ADAM15: variants seen among roughly 807,000 people sequenced by gnomAD.
The protein encoded by ADAM15 is ADAM metallopeptidase domain 15.
In ADAM15, 77 loss-of-function variants were observed where a neutral mutation model predicts 113.8. The ratio of observed to expected loss-of-function variants is 0.68; its 90% CI spans 0.56 to 0.82. ADAM15 has a LOEUF of 0.82. ADAM15 is among the 40% of genes least tolerant of loss of function. ADAM15 has a pLI of 0.00. For missense variants in ADAM15, 963 were observed against 1,120.1 expected (o/e 0.86, Z 2.00); for synonymous variants, 388 against 454.1 (o/e 0.85, Z 1.85).
Position 155,054,307 on chromosome 1 carries a change from T to G in ADAM15, c.420-7T>G, listed in dbSNP as rs921901354. ...CTGAAATGTTCTCTGACTTTCTTTTTTCTTAGAGGCTTGGTGGTCCTGACC... is the reference window on the plus strand; with the variant it reads ...CTGAAATGTTCTCTGACTTTCTTTTGTCTTAGAGGCTTGGTGGTCCTGACC... On this transcript the variant is annotated splice_polypyrimidine_tract_variant and splice_region_variant and intron_variant, in intron 5 of 22. Transcript: ENST00000356955. The G allele has an allele frequency of 3.2e-6, 5 of 1,581,722 alleles. No homozygotes were observed. The highest frequency in any genetic ancestry group is 4.3e-6 in the Non-Finnish European group (5 of 1,165,764).
In ADAM15 at chr1:155,058,676, G is replaced by C; in HGVS notation, c.1918-34G>C. ...TCCCAGTCCCATTAAAGCTTTGTGG[G>C]AATCTGATCCAGGCTCTTCTCTCCC... On this transcript the variant is annotated intron_variant, in intron 15 of 22. Coordinates refer to ENST00000356955, the MANE Select transcript of ADAM15 (RefSeq NM_207197.3). This position sits in a 1 kb window ranked among gnomAD's most constrained non-coding sequence, Gnocchi z 4.3. The C allele has an allele frequency of 6.2e-7, 1 of 1,603,372 alleles. No homozygotes were observed. Among genetic ancestry groups the C allele is most frequent in the Non-Finnish European group, 8.5e-7 (1 of 1,174,884 alleles).
intron 19 of ADAM15, 109 bp downstream of exon 19, chr1:155,060,941 C>A: frequency 9.2e-7 from 1 of 1,087,706 alleles, no homozygotes; most frequent in Non-Finnish European, 1.3e-6. Context: ...GCTAGCACTG[C>A]CCAAGAGTCA....
At position 155,061,488 on chromosome 1, in the gene ADAM15, A is replaced by C; in HGVS notation, c.2351A>C (p.Gln784Pro). Residue 784 changes from glutamine to proline, a missense_variant and splice_region_variant, in exon 20 of 23, where the codon CAG (glutamine) becomes CCG (proline). By Grantham distance (76) the Gln-to-Pro change is moderately conservative (BLOSUM62 -1). Coordinates refer to ENST00000356955, the MANE Select transcript of ADAM15 (RefSeq NM_207197.3). The part of the protein sequence containing the change: ...LPPDPVSKRL[Q>P]AELADRPNPP... The stretch of plus-strand genomic sequence containing the variant: ...CCTGACCCTGTGTCCAAGAGACTCC[A>C]GGTAAATCTGGGCCAGGGCCCGCCC... 6.2e-7 allele frequency: 1 copy of C among 1,613,366 alleles called. No homozygotes were observed. Among genetic ancestry groups the C allele is most frequent in the Non-Finnish European group, 8.5e-7 (1 of 1,179,818 alleles).
rs1352413011 is a variant in ADAM15 at position 155,054,051 on chromosome 1, G to A, written c.342+63G>A. On this transcript the variant is annotated intron_variant, in intron 4 of 22. Coordinates refer to ENST00000356955, the MANE Select transcript of ADAM15 (RefSeq NM_207197.3). ...GAAAGAGGGAGGGGGTGGCTGGAAG[G>A]TGAGAGGACACTGCATATTTTTACC... 6.8e-6 allele frequency: 11 copies of A among 1,612,472 alleles called. No homozygotes were observed. The African/African-American group carries it at 1.2e-4, about 18-fold the overall frequency.
At position 155,057,944 on chromosome 1, in the gene ADAM15, G is replaced by A. The variant is rs760912080; in HGVS notation, c.1510G>A (p.Val504Ile). The A allele has an allele frequency of 6.2e-7, 1 of 1,612,560 alleles. No homozygotes were observed. The highest frequency in any genetic ancestry group is 8.5e-7 in the Non-Finnish European group (1 of 1,180,032). The stretch of plus-strand genomic sequence containing the variant: ...AGACAGCTCCCAGTGTCCCCCTGAT[G>A]TCAGCCTAGGGGATGGCGAGCCCTG... ...PGDSSQCPPD[V>I]SLGDGEPCAG... The change falls in exon 14 of 23, where the codon GTC becomes ATC. Residue 504 changes from valine (V) to isoleucine (I), a missense_variant. Physicochemically the swap from Val to Ile is conservative, Grantham distance 29. Coordinates refer to ENST00000356955, the MANE Select transcript of ADAM15 (RefSeq NM_207197.3). This position sits in a 1 kb window ranked among gnomAD's most constrained non-coding sequence, Gnocchi z 5.0.
chr1:155,057,418 C>T lies in ADAM15; in HGVS notation c.1323+56C>T. The T allele has an allele frequency of 6.2e-7, 1 of 1,602,326 alleles. No homozygotes were observed. ...TCACTTCTGTACCCTCACCCTGGCTCATTAGCCCTATCCCAGCCTCCTGAG... is the reference window on the plus strand; with the variant it reads ...TCACTTCTGTACCCTCACCCTGGCTTATTAGCCCTATCCCAGCCTCCTGAG... On this transcript the variant is annotated intron_variant, in intron 12 of 22. Transcript: ENST00000356955. The surrounding 1 kb of genome is among the most constrained non-coding windows in gnomAD (Gnocchi z 5.0).
rs776254168 is a variant in ADAM15, at chr1:155,058,466, CA to C, written c.1917+26del. 6 of 1,606,864 alleles carry C rather than the reference CA, an allele frequency of 3.7e-6. No individual in the cohort carries two copies. The highest frequency in any genetic ancestry group is 8.5e-7 in the Non-Finnish European group (1 of 1,179,604). On this transcript the variant is annotated intron_variant, in intron 15 of 22. Coordinates refer to ENST00000356955, the MANE Select transcript of ADAM15 (RefSeq NM_207197.3). This position sits in a 1 kb window ranked among gnomAD's most constrained non-coding sequence, Gnocchi z 4.3. ...GGTGAGCAGCCTGGGTGGGCAAGAC[CA>C]GGTGTGAGAAGGGACATTTGGACCA...
chr1:155,051,632 T>C (rs1405787256), intron 1 of ADAM15, 167 bp downstream of exon 1: 3 of 573,304 alleles, frequency 5.2e-6, no homozygotes, highest in Non-Finnish European at 8.4e-6. Flanking sequence ...GACTTGGCGA[T>C]GGGGTGAAAA....
chr1:155,055,852 G>C lies in ADAM15; in HGVS notation c.675G>C (p.Glu225Asp). 6.2e-7 allele frequency: 1 copy of C among 1,614,200 alleles called. No individual in the cohort carries two copies. Among genetic ancestry groups the C allele is most frequent in the Non-Finnish European group, 8.5e-7 (1 of 1,180,032 alleles). Reference sequence around the variant, plus strand: ...TGGTGATTGTGGCTGATCACTCGGAGGTGAGCCTGCTGGCCCCTGCACATC... The same window carrying C: ...TGGTGATTGTGGCTGATCACTCGGACGTGAGCCTGCTGGCCCCTGCACATC... ...VELVIVADHS[E>D]AQKYRDFQHL... is the part of the protein sequence containing the mutation. Residue 225 changes from glutamate (E) to aspartate (D), a missense_variant and splice_region_variant, in exon 7 of 23, where the codon GAG becomes GAC. Coordinates refer to ENST00000356955, the MANE Select transcript of ADAM15 (RefSeq NM_207197.3).
chr1:155,056,184 C>A lies in ADAM15; in HGVS notation c.849C>A (p.Asn283Lys). The part of the protein sequence containing the change: ...ISPNPAVTLE[N>K]FLHWRRAHLL... Reference sequence around the variant, plus strand: ...CAAACCCAGCTGTCACCCTCGAAAACTTCCTCCACTGGCGCAGGGCACATT... The same window carrying A: ...CAAACCCAGCTGTCACCCTCGAAAAATTCCTCCACTGGCGCAGGGCACATT... Residue 283 changes from asparagine to lysine, a missense_variant, in exon 9 of 23, where the codon AAC becomes AAA. Asn to Lys is a moderately conservative substitution (Grantham distance 94). Transcript: ENST00000356955. This position sits in a 1 kb window ranked among gnomAD's most constrained non-coding sequence, Gnocchi z 4.0. 6.2e-7 allele frequency: 1 copy of A among 1,614,116 alleles called. No homozygotes were observed.
rs1400376876 is a variant in ADAM15, at chr1:155,056,435, A to G, written c.964A>G (p.Ile322Val). Residue 322 changes from isoleucine (I) to valine (V), a missense_variant, in exon 10 of 23, where the codon ATC (isoleucine) becomes GTC (valine). Coordinates refer to ENST00000356955, the MANE Select transcript of ADAM15 (RefSeq NM_207197.3). This position sits in a 1 kb window ranked among gnomAD's most constrained non-coding sequence, Gnocchi z 4.0. ...GGTGGGCATGGCCATTCAGAACTCC[A>G]TCTGTTCTCCTGACTTCTCAGGAGG... ...PTVGMAIQNS[I>V]CSPDFSGGVN... 1 of 1,613,938 alleles carries G rather than the reference A, an allele frequency of 6.2e-7. No individual in the cohort carries two copies. The highest frequency in any genetic ancestry group is 8.5e-7 in the Non-Finnish European group (1 of 1,179,982).
Position 155,062,654 on chromosome 1 carries a change from C to G in ADAM15, c.*152C>G. 1.8e-6 allele frequency: 2 copies of G among 1,092,732 alleles called. No individual in the cohort carries two copies. The highest frequency in any genetic ancestry group is 2.6e-6 in the Non-Finnish European group (2 of 775,290). The allele number at this position is 1,092,732 out of a possible 1,614,324, so 67.7% of individuals were successfully genotyped here. On this transcript the variant is annotated 3_prime_UTR_variant, in exon 23 of 23. Coordinates refer to ENST00000356955, the MANE Select transcript of ADAM15 (RefSeq NM_207197.3). This position sits in a 1 kb window ranked among gnomAD's most constrained non-coding sequence, Gnocchi z 7.0. ...CCACGCGCTGTCAAGCAACACTCTGCGGACCTGCCGGCGTAGTTGCAGCGG... is the reference window on the plus strand; with the variant it reads ...CCACGCGCTGTCAAGCAACACTCTGGGGACCTGCCGGCGTAGTTGCAGCGG...
At position 155,058,081 on chromosome 1, in the gene ADAM15, A is replaced by T. The variant is rs11264303; in HGVS notation, c.1647A>T (p.Thr549=). Residue 549 remains threonine, a synonymous_variant, in exon 14 of 23, where the codon ACA becomes ACT. Coordinates refer to ENST00000356955, the MANE Select transcript of ADAM15 (RefSeq NM_207197.3). This position sits in a 1 kb window ranked among gnomAD's most constrained non-coding sequence, Gnocchi z 4.3. The part of the protein sequence containing the change: ...AQPAAPLCLQ[T]ANTRGNAFGS... Reference sequence around the variant, plus strand: ...CCGCTGCGCCACTTTGCCTCCAGACAGCTAATACTCGGGGAAATGCTTTTG... The same window carrying T: ...CCGCTGCGCCACTTTGCCTCCAGACTGCTAATACTCGGGGAAATGCTTTTG... 2 of 1,613,736 alleles carry T rather than the reference A, an allele frequency of 1.2e-6. No homozygotes were observed. The highest frequency in any genetic ancestry group is 1.7e-6 in the Non-Finnish European group (2 of 1,179,922).
chr1:155,052,624 G>A, intron 1 of ADAM15, 47 bp from the exon 2 acceptor site: 2 of 1,562,882 alleles, frequency 1.3e-6, no homozygotes, highest in Non-Finnish European at 1.7e-6. Context: ...CCCCAGCCCT[G>A]CTGTCGATTC....
intron 16 of ADAM15, among the ~76,000 whole-genome samples, chr1:155,059,350 A>T (rs1662237759): frequency 6.6e-6 from 1 of 152,098 alleles, no homozygotes; most frequent in African/African-American, 2.4e-5. Context: ...TATAGGGGTG[A>T]GCCACTGCAC....
At chr1:155,053,615 A>G in intron 3 of ADAM15, 122 bp downstream of exon 3, 1 of 1,003,958 alleles carries the variant, frequency 1.0e-6, no homozygotes, top group Non-Finnish European at 1.5e-6. Context: ...TAAGGGATAT[A>G]CTATCATGTA....
In ADAM15 at chr1:155,056,099, T is replaced by C. The variant is rs777951543; in HGVS notation, c.764T>C (p.Val255Ala). 6.2e-7 allele frequency: 1 copy of C among 1,613,570 alleles called. No individual in the cohort carries two copies. The highest frequency in any genetic ancestry group is 8.5e-7 in the Non-Finnish European group (1 of 1,180,030). ...TTTCAGTTCTTCCGGCCCCTGAATG[T>C]ACGAGTGGCACTAGTGGGCCTGGAG... The part of the protein sequence containing the change: ...LLDTFFRPLN[V>A]RVALVGLEAW... Residue 255 changes from valine (V) to alanine (A), a missense_variant, in exon 9 of 23, where the codon GTA (valine) becomes GCA (alanine). Transcript: ENST00000356955. This position sits in a 1 kb window ranked among gnomAD's most constrained non-coding sequence, Gnocchi z 4.0.
Position 155,056,243 on chromosome 1 carries a change from TG to T in ADAM15, c.910del (p.Val304Ter). ...LPRLPHDSAQ[L>X]VTGTSFSGPT... The stretch of plus-strand genomic sequence containing the variant: ...CGATTGCCCCATGACAGTGCCCAGC[TG>T]GTGACGTAAGGGCCCCAGACTCAGC... On this transcript the variant is annotated frameshift_variant, in exon 9 of 23. Transcript: ENST00000356955. LOFTEE classifies it high-confidence loss of function. The surrounding 1 kb of genome is among the most constrained non-coding windows in gnomAD (Gnocchi z 4.0). 6.2e-7 allele frequency: 1 copy of T among 1,613,950 alleles called. No homozygotes were observed. The highest frequency in any genetic ancestry group is 8.5e-7 in the Non-Finnish European group (1 of 1,180,018).
chr1:155,060,082 G>A, intron 17 of ADAM15, 108 bp downstream of exon 17: 1 of 1,572,232 alleles, frequency 6.4e-7, no homozygotes, highest in Admixed American at 1.7e-5. Context: ...CTGGTTCCCT[G>A]AGTCTGTGCC....
Sources: gnomAD v4.1 joint callset for allele counts (sites outside exome capture counted in the v4.1 genomes callset) on GRCh38, gnomAD v4.1.1 for gene constraint, Gnocchi (gnomAD v3.1) non-coding constraint, MANE v1.5 for transcripts, NCBI Gene and HGNC (gene_info 2026-07-23, HGNC 2026-07-21) for gene names.